The following ACTR2 variants were observed in gnomAD, a reference collection of about 807,000 sequenced individuals.
ACTR2 encodes the protein actin-related protein 2.
Under a neutral mutation model 50.2 loss-of-function variants are expected in ACTR2, and 5 were observed. The ratio of observed to expected loss-of-function variants is 0.10; its 90% CI spans 0.05 to 0.21. The LOEUF (loss-of-function observed/expected upper bound fraction) is 0.21, where lower values mean the gene tolerates loss of function less well. Ranked by LOEUF, ACTR2 falls within the 10% of genes least tolerant of loss-of-function variation. ACTR2 has a pLI of 1.00. For missense variants in ACTR2, 180 were observed against 480.6 expected, an observed-to-expected ratio of 0.37 and a Z score of 5.85; for synonymous variants, 140 against 162.9, an observed-to-expected ratio of 0.86 and a Z score of 1.07.
chr2:65,234,036 G>A (rs868812931), intron 1 of ACTR2, among the ~76,000 whole-genome samples: 1 of 152,024 alleles, frequency 6.6e-6, no homozygotes, highest in South Asian at 2.1e-4. Flanking sequence ...TCAGCCTCCC[G>A]AGTTTCTGGG....
At chr2:65,235,000 T>C (rs1435070007) in intron 1 of ACTR2, among the ~76,000 whole-genome samples, 2 of 152,178 alleles carry the variant, frequency 1.3e-5, no homozygotes, top group East Asian at 3.9e-4. Flanking sequence ...TTGTGTAAAT[T>C]ATGACTGACA....
chr2:65,231,051 C>CA (rs780231120), intron 1 of ACTR2, among the ~76,000 whole-genome samples: 3,854 of 96,786 alleles, frequency 0.04, 135 homozygotes, highest in African/African-American at 0.12. Flanking sequence ...GAGACTGTCA[C>CA]AAAAAAAAAA....
In ACTR2 at chr2:65,270,472, C is replaced by T. The variant is rs1342100697; in HGVS notation, c.*1738C>T. 6.6e-6 allele frequency: 1 copy of T among 152,592 alleles called. No homozygotes were observed. Among genetic ancestry groups the T allele is most frequent in the Non-Finnish European group, 1.5e-5 (1 of 68,036 alleles). The allele number at this position is 152,592 out of a possible 1,614,324, so 9.5% of individuals were successfully genotyped here. On this transcript the variant is annotated 3_prime_UTR_variant, in exon 9 of 9. Transcript: ENST00000260641. ...CGTACTAGATCTTGGGAACATGGAT[C>T]TTAGAGTCACTTTGGAATAAGTTCT...
intron 1 of ACTR2, among the ~76,000 whole-genome samples, chr2:65,229,990 A>G (rs745554279): frequency 1.3e-5 from 2 of 152,184 alleles, no homozygotes; most frequent in Admixed American, 6.5e-5. Flanking sequence ...ATGGTTACCT[A>G]TGAGACAGAG....
intron 8 of ACTR2, among the ~76,000 whole-genome samples, chr2:65,266,607 A>G (rs1378246549): frequency 3.3e-5 from 5 of 152,086 alleles, no homozygotes; most frequent in Non-Finnish European, 7.4e-5. Flanking sequence ...ATATTTTTAA[A>G]GGATCATTAA....
At position 65,239,911 on chromosome 2, in the gene ACTR2, T is replaced by A; in HGVS notation, c.108T>A (p.Val36=). The change falls in exon 2 of 9, where the codon GTT becomes GTA. Residue 36 remains valine (V), a synonymous_variant. Transcript: ENST00000260641. The part of the protein sequence containing the change: ...NFPEHIFPAL[V]GRPIIRSTTK... The stretch of plus-strand genomic sequence containing the variant: ...CAGAACACATCTTCCCAGCTTTGGT[T>A]GGAAGACCTATTATCAGATCAACCA... The A allele has an allele frequency of 6.2e-7, 1 of 1,613,366 alleles. No individual in the cohort carries two copies. The highest frequency in any genetic ancestry group is 2.2e-5 in the East Asian group (1 of 44,846).
At chr2:65,264,201 G>A (rs1223276604) in intron 7 of ACTR2, among the ~76,000 whole-genome samples, 1 of 152,208 alleles carries the variant, frequency 6.6e-6, no homozygotes, top group Non-Finnish European at 1.5e-5. Flanking sequence ...TCTGCATGTT[G>A]AAAATGTACA....
intron 1 of ACTR2, among the ~76,000 whole-genome samples, chr2:65,233,901 A>C (rs758128624): frequency 4.2e-4 from 64 of 151,586 alleles, no homozygotes; most frequent in Non-Finnish European, 7.4e-4. Context: ...GTGAGCCCCC[A>C]CACTCAGCCT....
chr2:65,235,789 A>G (rs1002396655), intron 1 of ACTR2, among the ~76,000 whole-genome samples: 3 of 152,164 alleles, frequency 2.0e-5, no homozygotes, highest in African/African-American at 7.2e-5. Flanking sequence ...AAAGAATTGT[A>G]TTATACTTTT....
chr2:65,232,989 A>G (rs1671668236), intron 1 of ACTR2, among the ~76,000 whole-genome samples: 1 of 149,420 alleles, frequency 6.7e-6, no homozygotes, highest in South Asian at 2.1e-4. Flanking sequence ...TTATCACATC[A>G]TGGTTTAGTT....
At chr2:65,253,900 T>C in intron 5 of ACTR2, 36 bp downstream of exon 5, 2 of 1,581,142 alleles carry the variant, frequency 1.3e-6, no homozygotes, top group Non-Finnish European at 8.7e-7. Context: ...AATTAAATTT[T>C]GTAATTTGTT....
intron 1 of ACTR2, among the ~76,000 whole-genome samples, chr2:65,236,317 CAG>C (rs1412333152): frequency 1.4e-5 from 2 of 143,306 alleles, no homozygotes; most frequent in Non-Finnish European, 3.0e-5. Flanking sequence ...GCCTGGGTGA[CAG>C]AGCGAGACTC....
At chr2:65,262,538 G>A (rs572644024) in intron 7 of ACTR2, among the ~76,000 whole-genome samples, 41 of 133,054 alleles carry the variant, frequency 3.1e-4, no homozygotes, top group African/African-American at 9.7e-4. Flanking sequence ...TGATGTAAAT[G>A]CATGTATATT....
In ACTR2 at chr2:65,239,911, T is replaced by C. The variant is rs372085870; in HGVS notation, c.108T>C (p.Val36=). The C allele has an allele frequency of 6.2e-7, 1 of 1,613,248 alleles. No individual in the cohort carries two copies. The highest frequency in any genetic ancestry group is 8.5e-7 in the Non-Finnish European group (1 of 1,179,454). ...NFPEHIFPAL[V]GRPIIRSTTK... is the part of the protein sequence containing the mutation. ...CAGAACACATCTTCCCAGCTTTGGT[T>C]GGAAGACCTATTATCAGATCAACCA... The change falls in exon 2 of 9, where the codon GTT becomes GTC. Residue 36 remains valine, a synonymous_variant. Transcript: ENST00000260641.
intron 8 of ACTR2, 190 bp downstream of exon 8, chr2:65,265,365 G>A: frequency 1.5e-6 from 1 of 678,518 alleles, no homozygotes; most frequent in Non-Finnish European, 2.5e-6. Context: ...CTATAGAGTT[G>A]GTGGATGGAG....
At chr2:65,230,751 A>G (rs1165899846) in intron 1 of ACTR2, among the ~76,000 whole-genome samples, 1 of 152,028 alleles carries the variant, frequency 6.6e-6, no homozygotes, top group Non-Finnish European at 1.5e-5. Flanking sequence ...TTAGTTAGCT[A>G]ACATTAGAAG....
intron 8 of ACTR2, among the ~76,000 whole-genome samples, chr2:65,266,711 TAG>T (rs1672378364): frequency 6.6e-6 from 1 of 151,594 alleles, no homozygotes; most frequent in African/African-American, 2.4e-5. Flanking sequence ...GGAGGGATGG[TAG>T]AGTTTTAGAA....
intron 6 of ACTR2, among the ~76,000 whole-genome samples, chr2:65,257,330 T>C (rs1385884828): frequency 1.3e-5 from 2 of 152,242 alleles, no homozygotes; most frequent in African/African-American, 2.4e-5. Flanking sequence ...GTGCCACATT[T>C]TCTTTATCCA....
At chr2:65,261,203 T>G (rs1373396467) in intron 6 of ACTR2, 44 bp from the exon 7 acceptor site, 1 of 1,609,562 alleles carries the variant, frequency 6.2e-7, no homozygotes, top group Non-Finnish European at 8.5e-7. Flanking sequence ...ACTGGGAAAT[T>G]TTAATCTTTT....
Sources: gnomAD v4.1 joint callset for allele counts (sites outside exome capture counted in the v4.1 genomes callset) on GRCh38, gnomAD v4.1.1 for gene constraint, MANE v1.5 for transcripts, NCBI Gene and HGNC (gene_info 2026-07-23, HGNC 2026-07-21) for gene names.